Variants in TCF3 observed in about 807,000 individuals in gnomAD.
The protein encoded by TCF3 is transcription factor 3.
In TCF3, 54 loss-of-function variants were observed where a neutral mutation model predicts 72.3. That is an observed-to-expected ratio of 0.75 (90% CI 0.60 to 0.94). TCF3 has a LOEUF of 0.94. Ranked by LOEUF, TCF3 falls within the 40% of genes least tolerant of loss-of-function variation. The probability of loss-of-function intolerance (pLI) is 0.00; values close to 1 mark genes in which losing one functional copy is unlikely to be tolerated. For missense variants in TCF3, 1,078 were observed against 934.4 expected, an observed-to-expected ratio of 1.15 and a Z score of -2.00; for synonymous variants, 525 against 412.6, an observed-to-expected ratio of 1.27 and a Z score of -3.30.
chr19:1,651,803 C>A (rs1031811963), intron 1 of TCF3, among the ~76,000 whole-genome samples: 1 of 151,734 alleles, frequency 6.6e-6, no homozygotes, highest in Admixed American at 6.6e-5. Context: ...CCGCGCGCCC[C>A]CCCCCGGCCC....
Position 1,615,860 on chromosome 19 carries a change from C to A in TCF3, c.1451-39G>T. 1 of 1,502,666 alleles carries A rather than the reference C, an allele frequency of 6.7e-7. No individual in the cohort carries two copies. Among genetic ancestry groups the A allele is most frequent in the Non-Finnish European group, 8.9e-7 (1 of 1,126,888 alleles). The allele number at this position is 1,502,666 out of a possible 1,614,324, so 93.1% of individuals were successfully genotyped here. The stretch of plus-strand genomic sequence containing the variant: ...AGGGTCAGGGGCCTGCGTCGGCCTC[C>A]AGGGCCAACTGACATATCTCTTTGT... On this transcript the variant is annotated intron_variant, in intron 16 of 18. Coordinates refer to ENST00000262965, the MANE Select transcript of TCF3 (RefSeq NM_003200.5). This position sits in a 1 kb window ranked among gnomAD's most constrained non-coding sequence, Gnocchi z 7.3.
rs1039366996 is a variant in TCF3, at chr19:1,614,358, G to C, written c.1822+927C>G. The stretch of plus-strand genomic sequence containing the variant: ...CCCGCAAGCCCTGACGGGGGGCTTT[G>C]GGGGAGGAAACGCCCTGAGGTTGCA... On this transcript the variant is annotated intron_variant, in intron 18 of 18. Transcript: ENST00000262965. This position sits in a 1 kb window ranked among gnomAD's most constrained non-coding sequence, Gnocchi z 5.6. Among the ~76,000 whole-genome samples, 53 of 152,176 alleles carry C rather than the reference G, an allele frequency of 3.5e-4. No individual in the cohort carries two copies. The highest frequency in any genetic ancestry group is 3.3e-3 in the Admixed American group (50 of 15,286).
rs561310316 is a variant in TCF3, at chr19:1,621,883, C to T, written c.910G>A (p.Val304Ile). ...CTGACAGGCGGCGTGTGGCTGGAGA[C>T]GCCGCCGTACGTGGCTCCGGGGGCT... Reference protein sequence around the residue: ...SSAPGATYGGVSSHTPPVSGA... With the variant: ...SSAPGATYGGISSHTPPVSGA... Residue 304 changes from valine to isoleucine, a missense_variant, in exon 11 of 19, where the codon GTC (valine) becomes ATC (isoleucine). Transcript: ENST00000262965. 16 of 1,594,072 alleles carry T rather than the reference C, an allele frequency of 1.0e-5. No homozygotes were observed. The highest frequency in any genetic ancestry group is 5.3e-5 in the Admixed American group (3 of 56,622).
chr19:1,609,525 C>A lies in TCF3; in HGVS notation c.*2182G>T, dbSNP rs188025273. ...AGGAACTGCTGTTTCTTCCTCCTCGCGCTGGGTGAATCTCGTTTGAATTCT... is the reference window on the plus strand; with the variant it reads ...AGGAACTGCTGTTTCTTCCTCCTCGAGCTGGGTGAATCTCGTTTGAATTCT... On this transcript the variant is annotated 3_prime_UTR_variant, in exon 19 of 19. Coordinates refer to ENST00000262965, the MANE Select transcript of TCF3 (RefSeq NM_003200.5). 9.9e-4 allele frequency: 212 copies of A among 214,396 alleles called. No homozygotes were observed. Among genetic ancestry groups the A allele is most frequent in the Non-Finnish European group, 1.6e-3 (166 of 107,038 alleles). 13.3% of individuals were successfully genotyped at this position (214,396 alleles called of 1,614,324 possible). A position where few individuals can be genotyped will look rare whatever the true frequency, so the allele number is the denominator to read the frequency against.
chr19:1,636,351 G>T (rs1488528740), intron 3 of TCF3, among the ~76,000 whole-genome samples: 1 of 152,044 alleles, frequency 6.6e-6, no homozygotes, highest in Non-Finnish European at 1.5e-5. Context: ...GTAGAGACGG[G>T]GTTTCATACA....
rs775714262 is a variant in TCF3, at chr19:1,619,478, C to T, written c.1168-4G>A. 11 of 1,566,812 alleles carry T rather than the reference C, an allele frequency of 7.0e-6. No homozygotes were observed. The African/African-American group carries it at 1.2e-4, about 17-fold the overall frequency. On this transcript the variant is annotated splice_region_variant and splice_polypyrimidine_tract_variant and intron_variant, in intron 14 of 18. Coordinates refer to ENST00000262965, the MANE Select transcript of TCF3 (RefSeq NM_003200.5). ...GGTGGTCTTCTATCTTACTCTGCTGCAGGGTGGGGGGATGGGTGGTGAGGG... is the reference window on the plus strand; with the variant it reads ...GGTGGTCTTCTATCTTACTCTGCTGTAGGGTGGGGGGATGGGTGGTGAGGG...
intron 3 of TCF3, among the ~76,000 whole-genome samples, chr19:1,635,845 G>A (rs1194996025): frequency 3.9e-5 from 6 of 152,168 alleles, no homozygotes; most frequent in Non-Finnish European, 8.8e-5. Context: ...CCACGGTCAC[G>A]TCTAAAAACC....
intron 3 of TCF3, among the ~76,000 whole-genome samples, chr19:1,633,546 C>G (rs2063987056): frequency 6.6e-6 from 1 of 152,166 alleles, no homozygotes; most frequent in Non-Finnish European, 1.5e-5. Context: ...TTAATCATTC[C>G]CCCCGGGGAG....
At position 1,637,256 on chromosome 19, in the gene TCF3, C is replaced by T. The variant is rs564159878; in HGVS notation, c.146-4851G>A. On this transcript the variant is annotated intron_variant, in intron 3 of 18. Coordinates refer to ENST00000262965, the MANE Select transcript of TCF3 (RefSeq NM_003200.5). ...GCCTGGCAACCTCCTCCACCAGAAC[C>T]GAGGACGCCTGGCAACCTCCTCCAC... Among the ~76,000 whole-genome samples, 3 of 151,974 alleles carry T rather than the reference C, an allele frequency of 2.0e-5. No individual in the cohort carries two copies. The East Asian group carries it at 5.9e-4, about 30-fold the overall frequency.
At chr19:1,641,477 C>T (rs974752363) in intron 3 of TCF3, among the ~76,000 whole-genome samples, 2 of 152,084 alleles carry the variant, frequency 1.3e-5, no homozygotes, top group African/African-American at 2.4e-5. Context: ...TCTTCAGACA[C>T]GGTCTCCCTC....
chr19:1,648,817 TG>T (rs4030798), intron 2 of TCF3, among the ~76,000 whole-genome samples: 47,764 of 118,534 alleles, frequency 0.4, 8,767 homozygotes, highest in East Asian at 0.78. Flanking sequence ...CCACTGGGCA[TG>T]GGGGGGGGGG....
intron 11 of TCF3, 22 bp from the exon 12 acceptor site, chr19:1,621,213 G>A: frequency 1.3e-6 from 2 of 1,531,544 alleles, no homozygotes; most frequent in Non-Finnish European, 1.7e-6. Context: ...GAGAGGTGAG[G>A]CCCACGCAGC....
At chr19:1,632,276 G>A (rs924405415) in intron 4 of TCF3, 56 bp downstream of exon 4, 60 of 1,550,506 alleles carry the variant, frequency 3.9e-5, no homozygotes, top group African/African-American at 6.8e-5. Flanking sequence ...CACACCCCTC[G>A]CCCCCAACTC....
At chr19:1,631,934 G>A in intron 5 of TCF3, 104 bp downstream of exon 5, 1 of 1,546,354 alleles carries the variant, frequency 6.5e-7, no homozygotes. Context: ...CCCTCTGGGT[G>A]AACGCTGGGG....
rs554439572 is a variant in TCF3, at chr19:1,611,373, GAA to G, written c.*332_*333del. The G allele has an allele frequency of 4.3e-4, 152 of 350,526 alleles. No individual in the cohort carries two copies. The highest frequency in any genetic ancestry group is 5.0e-4 in the African/African-American group (23 of 45,730). 21.7% of individuals were successfully genotyped at this position (350,526 alleles called of 1,614,324 possible). On this transcript the variant is annotated 3_prime_UTR_variant, in exon 19 of 19. Transcript: ENST00000262965. ...GCTTGCTTTCAGGTTTTGTTTACTG[GAA>G]AAAAAAAAAATGCTCCTGTCAGCCC...
At chr19:1,620,792 G>A (rs922209054) in intron 13 of TCF3, among the ~76,000 whole-genome samples, 176 bp downstream of exon 13, 8 of 152,154 alleles carry the variant, frequency 5.3e-5, no homozygotes, top group South Asian at 4.1e-4. Flanking sequence ...CCTGACCAGC[G>A]ATGCCACGGG....
chr19:1,631,643 T>C (rs1039319248), intron 5 of TCF3, among the ~76,000 whole-genome samples: 1 of 151,942 alleles, frequency 6.6e-6, no homozygotes, highest in African/African-American at 2.4e-5. Context: ...CGGAAGGGCA[T>C]GGGCTCTGAC....
chr19:1,647,796 C>G (rs1405585793), intron 2 of TCF3, among the ~76,000 whole-genome samples: 1 of 152,242 alleles, frequency 6.6e-6, no homozygotes, highest in South Asian at 2.1e-4. Flanking sequence ...GTCCTGTGGG[C>G]TCTGCAGGCC....
In TCF3 at chr19:1,632,402, A is replaced by G; in HGVS notation, c.149T>C (p.Leu50Pro). The change falls in exon 4 of 19, where the codon CTT becomes CCT. Residue 50 changes from leucine to proline, a missense_variant. By Grantham distance (98) the Leu-to-Pro change is moderately conservative (BLOSUM62 -3). Coordinates refer to ENST00000262965, the MANE Select transcript of TCF3 (RefSeq NM_003200.5). ...GGAGCCTGAGCTGGGCCGGTCCTCA[A>G]GACCTGCAGGCAGGACAGAGAGAGT... ...LAGAQFGGSG[L>P]EDRPSSGSWG... 6.3e-7 allele frequency: 1 copy of G among 1,592,728 alleles called. No individual in the cohort carries two copies. Among genetic ancestry groups the G allele is most frequent in the East Asian group, 2.3e-5 (1 of 44,120 alleles).
Sources: gnomAD v4.1 joint callset for allele counts (sites outside exome capture counted in the v4.1 genomes callset) on GRCh38, gnomAD v4.1.1 for gene constraint, Gnocchi (gnomAD v3.1) non-coding constraint, MANE v1.5 for transcripts, NCBI Gene and HGNC (gene_info 2026-07-23, HGNC 2026-07-21) for gene names.